NRXN3: variants seen among roughly 807,000 people sequenced by gnomAD.
The protein encoded by NRXN3 is neurexin 3.
In NRXN3, 32 loss-of-function variants were observed where a neutral mutation model predicts 137.6. That is an observed-to-expected ratio of 0.23 (90% CI 0.18 to 0.31). The LOEUF (loss-of-function observed/expected upper bound fraction) is 0.31. NRXN3 is among the 10% of genes least tolerant of loss of function. The probability of loss-of-function intolerance (pLI) is 1.00; values close to 1 mark genes in which losing one functional copy is unlikely to be tolerated. For synonymous variants in NRXN3, 798 were observed against 784.5 expected, an observed-to-expected ratio of 1.02 and a Z score of -0.29; for missense variants, 1,574 against 2,062.5, an observed-to-expected ratio of 0.76 and a Z score of 4.59.
chr14:79,509,171 G>A (rs187281706), intron 16 of NRXN3, among the ~76,000 whole-genome samples: 171 of 152,212 alleles, frequency 1.1e-3, no homozygotes, highest in Admixed American at 2.9e-3. Context: ...TCAAGTCTGG[G>A]TGACAGAGCA....
At position 79,467,226 on chromosome 14, in the gene NRXN3, G is replaced by A. The variant is rs373319691; in HGVS notation, c.3268G>A (p.Ala1090Thr). ...YSGNQCNDPG[A>T]TYIFGKSGGL... ...CTCTCTCCTTGCTTTTGCAGCTGGC[G>A]CTACGTACATCTTTGGGAAAAGTGG... Residue 1090 changes from alanine to threonine, a missense_variant, in exon 16 of 21, where the codon GCT (alanine) becomes ACT (threonine). Physicochemically the swap from Ala to Thr is moderately conservative, Grantham distance 58 (BLOSUM62 0). Coordinates refer to ENST00000335750, the MANE Select transcript of NRXN3 (RefSeq NM_001330195.2). The A allele has an allele frequency of 2.2e-5, 35 of 1,596,628 alleles. No individual in the cohort carries two copies. Among genetic ancestry groups the A allele is most frequent in the Admixed American group, 1.0e-4 (6 of 59,564 alleles).
intron 8 of NRXN3, among the ~76,000 whole-genome samples, chr14:78,778,690 C>CTT (rs1388452611): frequency 7.5e-6 from 1 of 133,590 alleles, no homozygotes. Context: ...TTCTTTCTTT[C>CTT]TTTCTTTCTT....
At chr14:79,209,885 A>G (rs2067386590) in intron 15 of NRXN3, among the ~76,000 whole-genome samples, 1 of 152,220 alleles carries the variant, frequency 6.6e-6, no homozygotes, top group South Asian at 2.1e-4. Flanking sequence ...TTAAGAGACA[A>G]AATATGCATA....
intron 10 of NRXN3, among the ~76,000 whole-genome samples, chr14:78,895,462 T>C (rs894611836): frequency 5.9e-5 from 9 of 151,952 alleles, no homozygotes; most frequent in African/African-American, 2.2e-4. Flanking sequence ...GGTTAGGCTT[T>C]GGCTTAAGGG....
intron 1 of NRXN3, among the ~76,000 whole-genome samples, chr14:78,198,328 G>T (rs2061404716): frequency 6.6e-6 from 1 of 152,214 alleles, no homozygotes; most frequent in Admixed American, 6.5e-5. Context: ...TATGGCAGAG[G>T]TGAGCACACA....
chr14:78,172,924 G>A (rs1371273238), intron 1 of NRXN3, among the ~76,000 whole-genome samples: 6 of 152,050 alleles, frequency 3.9e-5, no homozygotes, highest in Non-Finnish European at 8.8e-5. Context: ...TCTGGCCTCC[G>A]TTTTTGTTGA....
chr14:78,511,187 C>T (rs913080784), intron 4 of NRXN3, among the ~76,000 whole-genome samples: 1 of 152,160 alleles, frequency 6.6e-6, no homozygotes, highest in African/African-American at 2.4e-5. Context: ...AAACATCTAA[C>T]AACGGAGCCA....
chr14:79,593,006 A>G (rs221425), intron 16 of NRXN3, among the ~76,000 whole-genome samples: 13,998 of 152,268 alleles, frequency 0.092, 944 homozygotes, highest in African/African-American at 0.18. Context: ...AAGTAAAAAC[A>G]TATACTAATC....
intron 8 of NRXN3, among the ~76,000 whole-genome samples, chr14:78,795,347 A>G (rs2098818383): frequency 6.6e-6 from 1 of 152,180 alleles, no homozygotes; most frequent in Non-Finnish European, 1.5e-5. Context: ...TTTCCATTGT[A>G]AGTATTATTA....
At chr14:79,769,601 C>G (rs1305727707) in intron 19 of NRXN3, among the ~76,000 whole-genome samples, 5 of 151,830 alleles carry the variant, frequency 3.3e-5, no homozygotes, top group Non-Finnish European at 7.4e-5. Flanking sequence ...CCAGGCCTGC[C>G]CTATAAGAGC....
chr14:78,576,127 T>A (rs920152442), intron 4 of NRXN3, among the ~76,000 whole-genome samples: 31 of 152,342 alleles, frequency 2.0e-4, no homozygotes, highest in South Asian at 1.9e-3. Flanking sequence ...AATGCATTAA[T>A]AATACAGCTG....
intron 4 of NRXN3, among the ~76,000 whole-genome samples, chr14:78,528,906 G>A (rs912026785): frequency 1.3e-5 from 2 of 152,136 alleles, no homozygotes; most frequent in South Asian, 2.1e-4. Flanking sequence ...CCTGATGCAA[G>A]TGAGGCACTT....
rs117411462 is a variant in NRXN3 at position 79,080,137 on chromosome 14, C to T, written c.3262+91996C>T. Among the ~76,000 whole-genome samples the T allele has an allele frequency of 6.7e-3, 1,019 of 152,268 alleles. 5 individuals carry two copies. The highest frequency in any genetic ancestry group is 0.01 in the Non-Finnish European group (694 of 68,014). On this transcript the variant is annotated intron_variant, in intron 15 of 20. Transcript: ENST00000335750. ...CCATGTGAGACTTCCTGGGAGACAG[C>T]TGGGGGCAGCCAGAAGCAAGTAGCT...
chr14:79,067,235 G>A (rs2099681918), intron 15 of NRXN3, among the ~76,000 whole-genome samples: 1 of 151,998 alleles, frequency 6.6e-6, no homozygotes, highest in South Asian at 2.1e-4. Context: ...TGTGATTTTT[G>A]TCTTTAGTTC....
intron 16 of NRXN3, 141 bp downstream of exon 16, chr14:79,467,543 C>A: frequency 2.8e-6 from 2 of 721,658 alleles, no homozygotes; most frequent in Non-Finnish European, 4.2e-6. Context: ...TGTGAACCAT[C>A]ATATTTACAG....
chr14:78,751,773 C>A (rs2098643620), intron 8 of NRXN3, among the ~76,000 whole-genome samples: 1 of 152,154 alleles, frequency 6.6e-6, no homozygotes, highest in Non-Finnish European at 1.5e-5. Flanking sequence ...CCTTGCCCAG[C>A]AGTGTGGCCT....
chr14:78,526,738 G>T (rs767895454), intron 4 of NRXN3: 9 of 517,500 alleles, frequency 1.7e-5, no homozygotes. Context: ...CTAAGAGGTA[G>T]GTAGGGATGA....
At chr14:79,262,497 G>A (rs1168635744) in intron 15 of NRXN3, among the ~76,000 whole-genome samples, 1 of 150,020 alleles carries the variant, frequency 6.7e-6, no homozygotes, top group Non-Finnish European at 1.5e-5. Context: ...AGGAGAATGA[G>A]GAAGGAGAAA....
intron 15 of NRXN3, among the ~76,000 whole-genome samples, chr14:79,045,913 C>G (rs1331559829): frequency 6.6e-6 from 1 of 152,020 alleles, no homozygotes; most frequent in African/African-American, 2.4e-5. Context: ...GATGCTGATG[C>G]AAAACAGCTA....
Sources: allele counts gnomAD v4.1 joint callset (sites outside exome capture counted in the v4.1 genomes callset), GRCh38; gene constraint gnomAD v4.1.1; transcripts MANE v1.5; gene names NCBI Gene and HGNC (gene_info 2026-07-23, HGNC 2026-07-21).